Variants in LGR4 observed in about 807,000 individuals in gnomAD.
LGR4 encodes the protein leucine rich repeat containing G protein-coupled receptor 4, also known as leucine-rich repeat-containing G protein-coupled receptor 4.
In LGR4, 44 loss-of-function variants were observed where a neutral mutation model predicts 84.8. That is an observed-to-expected ratio of 0.52 (90% CI 0.41 to 0.67). The LOEUF (loss-of-function observed/expected upper bound fraction) is 0.67. Ranked by LOEUF, LGR4 falls within the 30% of genes least tolerant of loss-of-function variation. The pLI is 0.00. For synonymous variants in LGR4, 429 were observed against 434.3 expected (o/e 0.99, Z 0.15); for missense variants, 1,032 against 1,131.4 (o/e 0.91, Z 1.26).
At position 27,367,940 on chromosome 11, in the gene LGR4, C is replaced by T. The variant is rs148729565; in HGVS notation, c.2783G>A (p.Arg928Gln). ...TCCTCTACTCTGGTAGAAGCAGGCT[C>T]GTCCACAGGCCTGCACCTGGTCAGA... is the stretch of plus-strand genomic sequence containing the variant. ...DSSDQVQACG[R>Q]ACFYQSRGFP... The change falls in exon 18 of 18, where the codon CGA becomes CAA. Residue 928 changes from arginine to glutamine, a missense_variant. Arg to Gln is a conservative substitution (Grantham distance 43). Transcript: ENST00000379214. 6 of 1,613,236 alleles carry T rather than the reference C, an allele frequency of 3.7e-6. No individual in the cohort carries two copies. The African/African-American group carries it at 4.0e-5, about 11-fold the overall frequency.
Position 27,382,138 on chromosome 11 carries a change from T to C in LGR4, c.758+50A>G, listed in dbSNP as rs766254725. The C allele has an allele frequency of 5.1e-6, 6 of 1,183,938 alleles. No individual in the cohort carries two copies. The African/African-American group carries it at 7.6e-5, about 15-fold the overall frequency. 73.3% of individuals were successfully genotyped at this position (1,183,938 alleles called of 1,614,324 possible). A position where few individuals can be genotyped will look rare whatever the true frequency, so the allele number is the denominator to read the frequency against. On this transcript the variant is annotated intron_variant, in intron 7 of 17. Transcript: ENST00000379214. ...AAAATCCCATTGTTGGAACATTAAA[T>C]GGTGAGTTTCAGGGATATGAAGACA...
At position 27,385,315 on chromosome 11, in the gene LGR4, A is replaced by G. The variant is rs547420155; in HGVS notation, c.555T>C (p.Ala185=). The G allele has an allele frequency of 1.2e-6, 2 of 1,607,650 alleles. No individual in the cohort carries two copies. Among genetic ancestry groups the G allele is most frequent in the Non-Finnish European group, 1.7e-6 (2 of 1,177,062 alleles). Residue 185 remains alanine, a synonymous_variant, in exon 5 of 18, where the codon GCT becomes GCC. Transcript: ENST00000379214. ...NLPTLQALTL[A]LNKISSIPDF... ...CAGGGATGCTTGAGATCTTGTTGAG[A>G]GCCAGGGTCAGCGCCTGTAGGGTGG... is the stretch of plus-strand genomic sequence containing the variant.
intron 11 of LGR4, 50 bp downstream of exon 11, chr11:27,378,647 G>A (rs1294404098): frequency 8.1e-7 from 1 of 1,233,604 alleles, no homozygotes; most frequent in Non-Finnish European, 1.2e-6. Flanking sequence ...GAACATGTGT[G>A]AATATATAAA....
At chr11:27,406,057 AAACC>A (rs1014329780) in intron 2 of LGR4, among the ~76,000 whole-genome samples, 2 of 152,092 alleles carry the variant, frequency 1.3e-5, no homozygotes, top group African/African-American at 4.8e-5. Flanking sequence ...AATTGCAACC[AAACC>A]AACCATTTTT....
At chr11:27,467,848 A>G (rs1166638226) in intron 1 of LGR4, among the ~76,000 whole-genome samples, 2 of 152,216 alleles carry the variant, frequency 1.3e-5, no homozygotes, top group Non-Finnish European at 2.9e-5. Context: ...ATATTCATAC[A>G]TCGTTCTTGT....
At chr11:27,413,488 CT>C (rs1219059585) in intron 1 of LGR4, among the ~76,000 whole-genome samples, 3 of 152,152 alleles carry the variant, frequency 2.0e-5, no homozygotes, top group Non-Finnish European at 4.4e-5. Context: ...CAACAATTCA[CT>C]AATTCAAACA....
Position 27,472,109 on chromosome 11 carries a change from C to A in LGR4, c.185+9G>T. 7.6e-7 allele frequency: 1 copy of A among 1,312,492 alleles called. No homozygotes were observed. The highest frequency in any genetic ancestry group is 9.7e-7 in the Non-Finnish European group (1 of 1,033,380). 81.3% of individuals were successfully genotyped at this position (1,312,492 alleles called of 1,614,324 possible). On this transcript the variant is annotated intron_variant, in intron 1 of 17. Coordinates refer to ENST00000379214, the MANE Select transcript of LGR4 (RefSeq NM_018490.5). ...CCCCCCCCCTCGCGTCCCCGCCGCC[C>A]GCACTCACAGCGCTTGGGTGAAGGC... is the stretch of plus-strand genomic sequence containing the variant.
intron 3 of LGR4, 86 bp from the exon 4 acceptor site, chr11:27,391,251 T>TTC: frequency 4.8e-6 from 2 of 414,752 alleles, no homozygotes; most frequent in African/African-American, 2.8e-5. Context: ...TTTTTTTTTT[T>TTC]CAAAAAATAT....
At chr11:27,458,408 A>G (rs1251129499) in intron 1 of LGR4, among the ~76,000 whole-genome samples, 1 of 152,212 alleles carries the variant, frequency 6.6e-6, no homozygotes, top group Admixed American at 6.5e-5. Context: ...CTTCACAGTG[A>G]TGGTGGTCAC....
chr11:27,369,027 A>T lies in LGR4; in HGVS notation c.1696T>A (p.Ser566Thr). Residue 566 changes from serine to threonine, a missense_variant, in exon 18 of 18, where the codon TCT becomes ACT. Coordinates refer to ENST00000379214, the MANE Select transcript of LGR4 (RefSeq NM_018490.5). ...TTGGACGAAGGCAGTGATGTACAAG[A>T]TGCAAATGTTGTTAAAATAACAAGC... is the stretch of plus-strand genomic sequence containing the variant. ...NLLVILTTFA[S>T]CTSLPSSKLF... is the part of the protein sequence containing the mutation. The T allele has an allele frequency of 6.2e-7, 1 of 1,614,132 alleles. No individual in the cohort carries two copies. Among genetic ancestry groups the T allele is most frequent in the Non-Finnish European group, 8.5e-7 (1 of 1,179,968 alleles).
chr11:27,424,005 T>C (rs1009138604), intron 1 of LGR4, among the ~76,000 whole-genome samples: 2 of 152,184 alleles, frequency 1.3e-5, no homozygotes, highest in Admixed American at 6.5e-5. Context: ...CAGAGAAAGA[T>C]GACTGAGAGT....
chr11:27,404,968 C>A (rs1197556080), intron 2 of LGR4, among the ~76,000 whole-genome samples: 1 of 152,152 alleles, frequency 6.6e-6, no homozygotes, highest in Non-Finnish European at 1.5e-5. Flanking sequence ...CTAGTTCTAT[C>A]TACATGCAAC....
chr11:27,432,704 A>C, intron 1 of LGR4, among the ~76,000 whole-genome samples: 1 of 152,186 alleles, frequency 6.6e-6, no homozygotes, highest in East Asian at 1.9e-4. Flanking sequence ...TTGCTTCTGG[A>C]GGCAAATTTA....
At chr11:27,436,789 T>C (rs1356290274) in intron 1 of LGR4, among the ~76,000 whole-genome samples, 1 of 152,192 alleles carries the variant, frequency 6.6e-6, no homozygotes, top group Non-Finnish European at 1.5e-5. Context: ...TGTTATTACG[T>C]ACCTATCACA....
chr11:27,398,322 C>T (rs1459909815), intron 2 of LGR4, among the ~76,000 whole-genome samples: 1 of 152,160 alleles, frequency 6.6e-6, no homozygotes, highest in Non-Finnish European at 1.5e-5. Context: ...CTGAGCGACA[C>T]TAGAGTTTCT....
rs140281304 is a variant in LGR4 at position 27,401,083 on chromosome 11, A to C, written c.258-8565T>G. 7.9e-3 allele frequency among the ~76,000 whole-genome samples: 1,196 copies of C among 152,336 alleles called. 3 individuals carry two copies. Among genetic ancestry groups the C allele is most frequent in the Middle Eastern group, 0.02 (6 of 294 alleles). On this transcript the variant is annotated intron_variant, in intron 2 of 17. Coordinates refer to ENST00000379214, the MANE Select transcript of LGR4 (RefSeq NM_018490.5). ...TATGTTTTAAGAATATACATGAATTAAGAAACCCTTATTATGGAAATTCTC... is the reference window on the plus strand; with the variant it reads ...TATGTTTTAAGAATATACATGAATTCAGAAACCCTTATTATGGAAATTCTC...
chr11:27,395,046 G>T (rs1186610347), intron 2 of LGR4, among the ~76,000 whole-genome samples: 4 of 152,016 alleles, frequency 2.6e-5, no homozygotes, highest in Admixed American at 2.0e-4. Flanking sequence ...AGGGACCCCG[G>T]TCTCACCCAT....
intron 1 of LGR4, among the ~76,000 whole-genome samples, chr11:27,414,270 G>A (rs1315038581): frequency 1.3e-5 from 2 of 151,938 alleles, no homozygotes; most frequent in African/African-American, 4.8e-5. Context: ...TCCAGTGGTA[G>A]CCAAGATGTA....
intron 1 of LGR4, among the ~76,000 whole-genome samples, chr11:27,465,560 T>C (rs1321066436): frequency 6.6e-6 from 1 of 152,240 alleles, no homozygotes; most frequent in Non-Finnish European, 1.5e-5. Flanking sequence ...TGTCTATGTG[T>C]GAGTGAACTC....
Sources: gnomAD v4.1 joint callset for allele counts (sites outside exome capture counted in the v4.1 genomes callset) on GRCh38, gnomAD v4.1.1 for gene constraint, MANE v1.5 for transcripts, NCBI Gene and HGNC (gene_info 2026-07-23, HGNC 2026-07-21) for gene names.